FAP: variants seen among roughly 807,000 people sequenced by gnomAD.
The protein encoded by FAP is fibroblast activation protein alpha.
FAP carries 110 observed loss-of-function variants against 126.5 expected under a neutral mutation model. The ratio of observed to expected loss-of-function variants is 0.87; its 90% CI spans 0.74 to 1.02. The LOEUF (loss-of-function observed/expected upper bound fraction) is 1.02. Ranked by LOEUF, FAP falls within the 50% of genes least tolerant of loss-of-function variation. The probability of loss-of-function intolerance (pLI) is 0.00; values close to 1 mark genes in which losing one functional copy is unlikely to be tolerated. For synonymous variants in FAP, 334 were observed against 297.3 expected (o/e 1.12, Z -1.27); for missense variants, 919 against 909.2 (o/e 1.01, Z -0.14).
chr2:162,216,698 T>C (rs960368216), intron 9 of FAP, among the ~76,000 whole-genome samples: 4 of 152,208 alleles, frequency 2.6e-5, no homozygotes, highest in African/African-American at 9.6e-5. Context: ...GGAGTTGTAA[T>C]AAAATTTAAA....
At chr2:162,173,291 G>T in intron 23 of FAP, 70 bp from the exon 24 acceptor site, 2 of 1,094,484 alleles carry the variant, frequency 1.8e-6, no homozygotes, top group Non-Finnish European at 2.8e-6. Flanking sequence ...AAATCATTGT[G>T]CAATGGACTT....
intron 9 of FAP, 78 bp from the exon 10 acceptor site, chr2:162,216,079 G>T: frequency 9.5e-7 from 1 of 1,053,802 alleles, no homozygotes; most frequent in Non-Finnish European, 1.4e-6. Context: ...TAGGAATTTA[G>T]ATATATTTTT....
intron 17 of FAP, chr2:162,193,476 G>A (rs1047422749): frequency 2.6e-5 from 4 of 152,096 alleles, no homozygotes; most frequent in Non-Finnish European, 4.4e-5. Flanking sequence ...ATCTAACAAG[G>A]ATCTCAAGAA....
chr2:162,183,523 C>T (rs1310991276), intron 20 of FAP, 55 bp from the exon 21 acceptor site: 3 of 964,212 alleles, frequency 3.1e-6, no homozygotes, highest in Middle Eastern at 2.5e-4. Flanking sequence ...ATGACATTTA[C>T]TTCATTACAC....
rs1687948843 is a variant in FAP at position 162,189,007 on chromosome 2, T to C, written c.1619+96A>G. 1.0e-5 allele frequency: 7 copies of C among 683,888 alleles called. No homozygotes were observed. In the South Asian group the frequency reaches 1.8e-4, roughly 17 times the overall value. The allele number at this position is 683,888 out of a possible 1,614,324, so 42.4% of individuals were successfully genotyped here. Reference sequence around the variant, plus strand: ...ATAAAAACAGCATCAATAGGCACTGTTACCAAGGAGAATGGTTCATTCTAT... The same window carrying C: ...ATAAAAACAGCATCAATAGGCACTGCTACCAAGGAGAATGGTTCATTCTAT... On this transcript the variant is annotated intron_variant, in intron 19 of 25. Transcript: ENST00000188790.
chr2:162,200,790 C>A (rs1410428071), intron 14 of FAP, among the ~76,000 whole-genome samples, 171 bp from the exon 15 acceptor site: 1 of 152,076 alleles, frequency 6.6e-6, no homozygotes, highest in African/African-American at 2.4e-5. Context: ...GCACATTTAT[C>A]CTGGCTTCCA....
intron 17 of FAP, among the ~76,000 whole-genome samples, chr2:162,190,937 G>A (rs1271456892): frequency 6.6e-6 from 1 of 152,122 alleles, no homozygotes; most frequent in Non-Finnish European, 1.5e-5. Flanking sequence ...ATTTGTATAA[G>A]ATACATAATG....
rs998509808 is a variant in FAP at position 162,239,996 on chromosome 2, G to A, written c.91+2912C>T. Among the ~76,000 whole-genome samples, 3 of 152,108 alleles carry A rather than the reference G, an allele frequency of 2.0e-5. No individual in the cohort carries two copies. The South Asian group carries it at 6.2e-4, about 31-fold the overall frequency. ...GAAGGTCTTTATGTTTGTCTTTGGG[G>A]TGAACAAAAATAAGGGGAAGTCAAG... On this transcript the variant is annotated intron_variant, in intron 2 of 25. Coordinates refer to ENST00000188790, the MANE Select transcript of FAP (RefSeq NM_004460.5).
intron 6 of FAP, among the ~76,000 whole-genome samples, chr2:162,221,093 G>GAACA (rs1328849364): frequency 3.9e-5 from 6 of 152,142 alleles, no homozygotes; most frequent in Non-Finnish European, 7.3e-5. Flanking sequence ...AGTAGCAAGG[G>GAACA]AACATGGCAT....
rs1217334454 is a variant in FAP, at chr2:162,219,834, C to A, written c.486+19G>T. 6.4e-7 allele frequency: 1 copy of A among 1,570,714 alleles called. No individual in the cohort carries two copies. The highest frequency in any genetic ancestry group is 8.7e-7 in the Non-Finnish European group (1 of 1,143,414). On this transcript the variant is annotated intron_variant, in intron 7 of 25. Transcript: ENST00000188790. ...CTTTTATTTACATGATTAAACACTT[C>A]AAAAATTTAAACACTTACTAATTTA...
intron 21 of FAP, among the ~76,000 whole-genome samples, chr2:162,181,729 G>A (rs571645247): frequency 6.6e-6 from 1 of 152,318 alleles, no homozygotes; most frequent in East Asian, 1.9e-4. Flanking sequence ...TCCCCCACAA[G>A]AGGGCCAGGA....
intron 6 of FAP, 29 bp from the exon 7 acceptor site, chr2:162,219,954 C>T: frequency 1.3e-6 from 2 of 1,498,264 alleles, no homozygotes; most frequent in South Asian, 1.1e-5. Context: ...AGAAAAACAA[C>T]AAACCTTGCT....
Position 162,218,033 on chromosome 2 carries a change from A to G in FAP, c.715T>C (p.Tyr239His). The change falls in exon 9 of 26, where the codon TAT becomes CAT. Residue 239 changes from tyrosine (Y) to histidine (H), a missense_variant. Tyr to His is a moderately conservative substitution (Grantham distance 83). Transcript: ENST00000188790. ...TDIPVIAYSY[Y>H]GDEQYPRTIN... is the part of the protein sequence containing the mutation. Reference sequence around the variant, plus strand: ...GTTCTAGGATATTGTTCATCGCCATAATAGGAATAGGCAATAACTGGTATA... The same window carrying G: ...GTTCTAGGATATTGTTCATCGCCATGATAGGAATAGGCAATAACTGGTATA... 2 of 1,605,294 alleles carry G rather than the reference A, an allele frequency of 1.2e-6. No individual in the cohort carries two copies. The highest frequency in any genetic ancestry group is 2.3e-5 in the East Asian group (1 of 44,374).
At chr2:162,217,321 C>T (rs894032540) in intron 9 of FAP, among the ~76,000 whole-genome samples, 2 of 152,152 alleles carry the variant, frequency 1.3e-5, no homozygotes, top group Non-Finnish European at 2.9e-5. Flanking sequence ...TACTTTGATT[C>T]CATTTTTTCT....
intron 15 of FAP, among the ~76,000 whole-genome samples, chr2:162,199,478 T>C (rs1688404992): frequency 6.6e-6 from 1 of 152,176 alleles, no homozygotes. Flanking sequence ...ACTGCCCACA[T>C]TGGCCCTACA....
chr2:162,171,221 C>T (rs529263765), intron 25 of FAP, 141 bp from the exon 26 acceptor site: 10 of 596,870 alleles, frequency 1.7e-5, no homozygotes, highest in African/African-American at 1.5e-4. Context: ...AGTAAAATAG[C>T]TTACATGTAA....
chr2:162,198,110 C>T, intron 16 of FAP: 1 of 1,150,794 alleles, frequency 8.7e-7, no homozygotes, highest in Admixed American at 2.9e-5. Context: ...GTACGTATGT[C>T]CTAAACAACC....
rs1688367891 is a variant in FAP, at chr2:162,198,753, C to T, written c.1402+4G>A. The T allele has an allele frequency of 6.2e-7, 1 of 1,613,880 alleles. No individual in the cohort carries two copies. Among genetic ancestry groups the T allele is most frequent in the Admixed American group, 1.7e-5 (1 of 59,984 alleles). On this transcript the variant is annotated splice_donor_region_variant and intron_variant, in intron 16 of 25. Transcript: ENST00000188790. ...GCTGTGCTTATGTGAGGTCCGTTAC[C>T]TACCGTAGCAGACAAGTGCATAGTA... is the stretch of plus-strand genomic sequence containing the variant.
At chr2:162,198,041 A>G (rs1267753140) in intron 16 of FAP, 1 of 624,500 alleles carries the variant, frequency 1.6e-6, no homozygotes, top group Non-Finnish European at 2.3e-6. Context: ...CATGCTCAAG[A>G]TATAGATAAA....
Sources: allele counts gnomAD v4.1 joint callset (sites outside exome capture counted in the v4.1 genomes callset), GRCh38; gene constraint gnomAD v4.1.1; transcripts MANE v1.5; gene names NCBI Gene and HGNC (gene_info 2026-07-23, HGNC 2026-07-21).